Variants in GPR141 observed in about 807,000 individuals in gnomAD.
GPR141 encodes the protein G protein-coupled receptor 141.
GPR141 carries 6 observed loss-of-function variants against 6.8 expected under a neutral mutation model. That is an observed-to-expected ratio of 0.88 (90% CI 0.48 to 1.74). The LOEUF (loss-of-function observed/expected upper bound fraction) is 1.74. Among genes scored for constraint, GPR141 ranks in the 40% most tolerant of loss-of-function variants. GPR141 has a pLI of 0.01. For synonymous variants in GPR141, 140 were observed against 142.3 expected, an observed-to-expected ratio of 0.98 and a Z score of 0.11; for missense variants, 372 against 372.9, an observed-to-expected ratio of 1.00 and a Z score of 0.02.
chr7:37,689,196 C>T (rs1809648762), intron 2 of GPR141, among the ~76,000 whole-genome samples: 2 of 152,034 alleles, frequency 1.3e-5, no homozygotes, highest in African/African-American at 2.4e-5. Context: ...TCAGATTTGT[C>T]GATTTGCATA....
At chr7:37,707,673 GA>G (rs1810586470) in intron 2 of GPR141, among the ~76,000 whole-genome samples, 1 of 152,160 alleles carries the variant, frequency 6.6e-6, no homozygotes, top group Non-Finnish European at 1.5e-5. Flanking sequence ...AATTGCCCAA[GA>G]TGGCCCAGCT....
In GPR141 at chr7:37,739,052, A is replaced by AT. The variant is rs932497303; in HGVS notation, c.-14-1321dup. On this transcript the variant is annotated intron_variant, in intron 2 of 2. Coordinates refer to ENST00000334425, the MANE Select transcript of GPR141 (RefSeq NM_001381946.1). Reference sequence around the variant, plus strand: ...ACACCTGTGCTTTATACAGAGTAAGATTTTTTTCACACCTCAAAATGTTTT... The same window carrying AT: ...ACACCTGTGCTTTATACAGAGTAAGATTTTTTTTCACACCTCAAAATGTTTT... Among the ~76,000 whole-genome samples the AT allele has an allele frequency of 3.3e-5, 5 of 152,214 alleles. No homozygotes were observed. In the East Asian group the frequency reaches 7.7e-4, roughly 24 times the overall value.
chr7:37,710,671 T>C (rs1018284119), intron 2 of GPR141, among the ~76,000 whole-genome samples: 7 of 152,326 alleles, frequency 4.6e-5, no homozygotes, highest in Admixed American at 3.9e-4. Flanking sequence ...ATGGTACTTT[T>C]AGTGGGAAAT....
At chr7:37,737,123 ATAAAG>A (rs1218263873) in intron 2 of GPR141, among the ~76,000 whole-genome samples, 16 of 152,310 alleles carry the variant, frequency 1.1e-4, no homozygotes, top group Non-Finnish European at 5.9e-5. Flanking sequence ...GGGAAAAGAT[ATAAAG>A]TACACACACT....
chr7:37,733,671 C>CAAAAAAAA (rs55943222), intron 2 of GPR141, among the ~76,000 whole-genome samples: 5 of 101,244 alleles, frequency 4.9e-5, no homozygotes, highest in South Asian at 3.1e-4. Context: ...AACTCCATCT[C>CAAAAAAAA]AAAAAAAAAA....
chr7:37,710,640 C>T (rs569140648), intron 2 of GPR141, among the ~76,000 whole-genome samples: 2 of 152,114 alleles, frequency 1.3e-5, no homozygotes, highest in Non-Finnish European at 2.9e-5. Context: ...TTGTTGTACT[C>T]ACTTTAATAA....
intron 2 of GPR141, among the ~76,000 whole-genome samples, chr7:37,695,382 ACAGCTGTGTGGACTC>A (rs1330837054): frequency 6.6e-6 from 1 of 152,210 alleles, no homozygotes; most frequent in Non-Finnish European, 1.5e-5. Context: ...TGCTAAGAGC[ACAGCTGTGTGGACTC>A]CAGGCAGCTC....
chr7:37,740,855 G>A lies in GPR141; in HGVS notation c.462G>A (p.Arg154=), dbSNP rs763307520. Residue 154 remains arginine, a synonymous_variant, in exon 3 of 3, where the codon CGG becomes CGA. Transcript: ENST00000334425. ...IVIVVPLVVS[R]YGIHEEYNEE... ...TTGTGGTACCCCTGGTTGTCTCCCG[G>A]TATGGAATCCATGAGGAATACAATG... 40 of 1,613,952 alleles carry A rather than the reference G, an allele frequency of 2.5e-5. No individual in the cohort carries two copies. In the Admixed American group the frequency reaches 6.5e-4, roughly 26 times the overall value.
At chr7:37,721,997 A>G (rs1235762717) in intron 2 of GPR141, among the ~76,000 whole-genome samples, 1 of 152,218 alleles carries the variant, frequency 6.6e-6, no homozygotes, top group Non-Finnish European at 1.5e-5. Context: ...CTTGACAGGA[A>G]TAGTTTAAAT....
Position 37,742,209 on chromosome 7 carries a change from T to C in GPR141, c.*898T>C, listed in dbSNP as rs1761018288. ...TTTTAGGGGGGACAGAAAGTTATAC[T>C]GAAATCTTTAGAGCTCCCTTCCGCC... is the stretch of plus-strand genomic sequence containing the variant. On this transcript the variant is annotated 3_prime_UTR_variant, in exon 3 of 3. Transcript: ENST00000334425. Among the ~76,000 whole-genome samples the C allele has an allele frequency of 1.3e-5, 2 of 152,192 alleles. No homozygotes were observed. Among genetic ancestry groups the C allele is most frequent in the South Asian group, 2.1e-4 (1 of 4,826 alleles).
intron 2 of GPR141, among the ~76,000 whole-genome samples, chr7:37,697,661 C>G (rs1219658234): frequency 6.6e-6 from 1 of 152,118 alleles, no homozygotes; most frequent in Non-Finnish European, 1.5e-5. Context: ...GTACAAATGG[C>G]ATTTGGATAA....
chr7:37,694,438 CA>C (rs1190308827), intron 2 of GPR141, among the ~76,000 whole-genome samples: 1 of 152,250 alleles, frequency 6.6e-6, no homozygotes, highest in African/African-American at 2.4e-5. Context: ...GCTCAGGCCC[CA>C]AGGGGCAGGG....
intron 2 of GPR141, among the ~76,000 whole-genome samples, chr7:37,705,680 A>G (rs934800482): frequency 6.6e-6 from 1 of 152,164 alleles, no homozygotes; most frequent in African/African-American, 2.4e-5. Context: ...TGAAAATTCA[A>G]ATTTGCAATT....
chr7:37,697,800 G>A (rs1260151237), intron 2 of GPR141, among the ~76,000 whole-genome samples: 2 of 152,236 alleles, frequency 1.3e-5, no homozygotes, highest in Non-Finnish European at 2.9e-5. Flanking sequence ...CTGAGAAGAG[G>A]CTCTGGGCAC....
chr7:37,721,399 G>A (rs993677391), intron 2 of GPR141, among the ~76,000 whole-genome samples: 1 of 152,206 alleles, frequency 6.6e-6, no homozygotes, highest in African/African-American at 2.4e-5. Flanking sequence ...TACAATAGAT[G>A]TGCCCGTTAT....
chr7:37,736,100 A>G (rs962519489), intron 2 of GPR141, among the ~76,000 whole-genome samples: 1 of 152,182 alleles, frequency 6.6e-6, no homozygotes, highest in African/African-American at 2.4e-5. Flanking sequence ...TCTACTAAAA[A>G]TACAAACATT....
intron 2 of GPR141, among the ~76,000 whole-genome samples, chr7:37,736,330 C>T (rs1583578815): frequency 6.6e-6 from 1 of 151,416 alleles, no homozygotes. Context: ...AAATTAGAGA[C>T]AGAAGGAAAG....
intron 2 of GPR141, among the ~76,000 whole-genome samples, chr7:37,734,214 T>C (rs1442268008): frequency 6.6e-6 from 1 of 152,182 alleles, no homozygotes; most frequent in Non-Finnish European, 1.5e-5. Flanking sequence ...TATTATGTTG[T>C]ATATTGTTTT....
intron 2 of GPR141, among the ~76,000 whole-genome samples, chr7:37,725,242 G>T (rs1028687251): frequency 6.6e-6 from 1 of 152,172 alleles, no homozygotes; most frequent in African/African-American, 2.4e-5. Context: ...GAAGAACATG[G>T]CTTGGGTAGG....
Sources: gnomAD v4.1 joint callset for allele counts (sites outside exome capture counted in the v4.1 genomes callset) on GRCh38, gnomAD v4.1.1 for gene constraint, MANE v1.5 for transcripts, NCBI Gene and HGNC (gene_info 2026-07-23, HGNC 2026-07-21) for gene names.